Variants in PDE4B observed in about 807,000 individuals in gnomAD.
PDE4B encodes the protein phosphodiesterase 4B, also known as 3',5'-cyclic-AMP phosphodiesterase 4B.
A neutral mutation model predicts 82.2 loss-of-function variants in PDE4B; 20 were observed. The ratio of observed to expected loss-of-function variants is 0.24; its 90% CI spans 0.17 to 0.35. The LOEUF (loss-of-function observed/expected upper bound fraction) is 0.35, where lower values mean the gene tolerates loss of function less well. Among genes scored for constraint, PDE4B ranks in the 10% least tolerant of loss-of-function variants. The pLI is 1.00. For missense variants in PDE4B, 655 were observed against 907.2 expected, an observed-to-expected ratio of 0.72 and a Z score of 3.57; for synonymous variants, 320 against 318.9, an observed-to-expected ratio of 1.00 and a Z score of -0.04.
chr1:66,212,453 G>A (rs766850819), intron 3 of PDE4B, among the ~76,000 whole-genome samples: 1 of 151,926 alleles, frequency 6.6e-6, no homozygotes, highest in Non-Finnish European at 1.5e-5. Context: ...TCCTCTTCTA[G>A]CGTTTGCTTG....
intron 3 of PDE4B, among the ~76,000 whole-genome samples, chr1:66,196,780 A>G (rs1648335281): frequency 8.4e-6 from 1 of 118,398 alleles, no homozygotes; most frequent in Non-Finnish European, 1.6e-5. Context: ...GGACACAGGA[A>G]GGGGAATATC....
intron 3 of PDE4B, among the ~76,000 whole-genome samples, chr1:66,011,248 G>A (rs1652471727): frequency 6.8e-6 from 1 of 147,268 alleles, no homozygotes; most frequent in Admixed American, 6.8e-5. Context: ...AAGAACTGGT[G>A]AGTTCTTTAG....
At chr1:65,979,064 A>G (rs1650556209) in intron 3 of PDE4B, among the ~76,000 whole-genome samples, 1 of 152,118 alleles carries the variant, frequency 6.6e-6, no homozygotes, top group African/African-American at 2.4e-5. Context: ...AGCTTTGAAA[A>G]ACTGTGAAAA....
At chr1:66,035,217 A>G (rs1314233137) in intron 3 of PDE4B, among the ~76,000 whole-genome samples, 1 of 152,118 alleles carries the variant, frequency 6.6e-6, no homozygotes, top group Admixed American at 6.5e-5. Flanking sequence ...GTAATTGTGT[A>G]TATTTATGGG....
intron 7 of PDE4B, among the ~76,000 whole-genome samples, chr1:66,301,204 G>T (rs896280301): frequency 6.6e-6 from 1 of 152,038 alleles, no homozygotes; most frequent in Non-Finnish European, 1.5e-5. Context: ...TTTTCTATGG[G>T]TAATTTTTAA....
At chr1:65,892,784 C>T (rs1438238871) in intron 1 of PDE4B, among the ~76,000 whole-genome samples, 1 of 151,998 alleles carries the variant, frequency 6.6e-6, no homozygotes, top group African/African-American at 2.4e-5. Flanking sequence ...TTTTATTCAT[C>T]TTCTGTTGCA....
chr1:66,237,905 G>A (rs1238897816), intron 3 of PDE4B, among the ~76,000 whole-genome samples: 2 of 152,180 alleles, frequency 1.3e-5, no homozygotes, highest in Non-Finnish European at 2.9e-5. Context: ...ACCGTTAAGT[G>A]CAACAGATGG....
chr1:66,136,697 C>CAAAAAA (rs5774802), intron 3 of PDE4B, among the ~76,000 whole-genome samples: 14 of 61,542 alleles, frequency 2.3e-4, no homozygotes, highest in African/African-American at 4.3e-4. Flanking sequence ...GACTCCCTCT[C>CAAAAAA]AAAAAAAAAA....
intron 3 of PDE4B, among the ~76,000 whole-genome samples, chr1:65,954,491 A>G (rs767285559): frequency 5.9e-5 from 9 of 152,238 alleles, no homozygotes; most frequent in Admixed American, 4.6e-4. Context: ...GGGATTGTCT[A>G]TGATGCATGA....
intron 3 of PDE4B, chr1:66,152,640 A>AAATATATATATGTG (rs1646425737): frequency 8.5e-5 from 2 of 23,642 alleles, no homozygotes; most frequent in Admixed American, 1.0e-3. Flanking sequence ...GTATACACAC[A>AAATATATATATGTG]CACACACACA....
intron 3 of PDE4B, among the ~76,000 whole-genome samples, chr1:66,146,635 C>T (rs1646279111): frequency 6.6e-6 from 1 of 152,126 alleles, no homozygotes; most frequent in African/African-American, 2.4e-5. Flanking sequence ...TGCACAGAGT[C>T]AGACCTCACA....
chr1:65,807,398 A>C (rs1645766017), intron 1 of PDE4B, among the ~76,000 whole-genome samples: 1 of 152,222 alleles, frequency 6.6e-6, no homozygotes, highest in Non-Finnish European at 1.5e-5. Flanking sequence ...GCTTTATTGA[A>C]TCCATTCTCT....
chr1:65,936,811 A>G (rs977353602), intron 3 of PDE4B, among the ~76,000 whole-genome samples: 3 of 152,206 alleles, frequency 2.0e-5, no homozygotes, highest in Admixed American at 2.0e-4. Flanking sequence ...TTTCAGCCAA[A>G]GGCAGGCATG....
At chr1:66,079,441 A>T (rs12024232) in intron 3 of PDE4B, among the ~76,000 whole-genome samples, 13,684 of 152,130 alleles carry the variant, frequency 0.09, 1,192 homozygotes, top group East Asian at 0.26. Context: ...AATATGCCAC[A>T]TGAACCTGCC....
chr1:65,924,422 A>AT (rs1320085316), intron 3 of PDE4B, among the ~76,000 whole-genome samples: 2 of 151,264 alleles, frequency 1.3e-5, no homozygotes, highest in African/African-American at 2.4e-5. Context: ...AACCTATTAT[A>AT]TTTTTTTAAT....
intron 7 of PDE4B, among the ~76,000 whole-genome samples, chr1:66,271,463 A>C (rs1259192471): frequency 2.0e-5 from 3 of 152,222 alleles, no homozygotes; most frequent in African/African-American, 7.2e-5. Flanking sequence ...GGAGTCATTA[A>C]ATAGATTGCT....
At position 65,995,604 on chromosome 1, in the gene PDE4B, A is replaced by T. The variant is rs375073631; in HGVS notation, c.281+76769A>T. On this transcript the variant is annotated intron_variant, in intron 3 of 16. Coordinates refer to ENST00000341517, the MANE Select transcript of PDE4B (RefSeq NM_002600.4). Reference sequence around the variant, plus strand: ...ACTTTTCTTTCTTGAGTTTCCAAAAAATTTCATGTGCTTTTTTACATAGAT... The same window carrying T: ...ACTTTTCTTTCTTGAGTTTCCAAAATATTTCATGTGCTTTTTTACATAGAT... Among the ~76,000 whole-genome samples the T allele has an allele frequency of 2.8e-4, 42 of 152,258 alleles. No homozygotes were observed. The East Asian group carries it at 6.2e-3, about 22-fold the overall frequency.
At chr1:66,095,304 A>G (rs1645093568) in intron 3 of PDE4B, among the ~76,000 whole-genome samples, 1 of 151,946 alleles carries the variant, frequency 6.6e-6, no homozygotes, top group Admixed American at 6.6e-5. Context: ...AAATTTGGGT[A>G]GTCATACCTG....
At position 65,922,509 on chromosome 1, in the gene PDE4B, A is replaced by G. The variant is rs191079228; in HGVS notation, c.281+3674A>G. 1.3e-3 allele frequency among the ~76,000 whole-genome samples: 200 copies of G among 152,332 alleles called. 1 individual carries two copies. Among genetic ancestry groups the G allele is most frequent in the African/African-American group, 4.4e-3 (181 of 41,576 alleles). On this transcript the variant is annotated intron_variant, in intron 3 of 16. Coordinates refer to ENST00000341517, the MANE Select transcript of PDE4B (RefSeq NM_002600.4). ...ACTGATAAAGTTGATACTGAAAAAT[A>G]TAATTTATGTCTGTGGGCAAGTGGG...
Sources: gnomAD v4.1 joint callset for allele counts (sites outside exome capture counted in the v4.1 genomes callset) on GRCh38, gnomAD v4.1.1 for gene constraint, MANE v1.5 for transcripts, NCBI Gene and HGNC (gene_info 2026-07-23, HGNC 2026-07-21) for gene names.